CSMD3: variants seen among roughly 807,000 people sequenced by gnomAD.
CSMD3 encodes the protein CUB and Sushi multiple domains 3, also known as CUB and sushi domain-containing protein 3.
In CSMD3, 177 loss-of-function variants were observed where a neutral mutation model predicts 435.2. The observed-to-expected ratio is 0.41, with a 90% CI of 0.36 to 0.46. The LOEUF is 0.46. CSMD3 is among the 20% of genes least tolerant of loss of function. CSMD3 has a pLI of 0.34. For missense variants in CSMD3, 4,265 were observed against 4,504.6 expected, an observed-to-expected ratio of 0.95 and a Z score of 1.52; for synonymous variants, 1,656 against 1,520.5, an observed-to-expected ratio of 1.09 and a Z score of -2.07.
intron 13 of CSMD3, among the ~76,000 whole-genome samples, chr8:112,693,996 ATGT>A (rs1222897342): frequency 4.6e-5 from 7 of 151,792 alleles, no homozygotes; most frequent in African/African-American, 1.7e-4. Flanking sequence ...CTGAAAAATT[ATGT>A]TGTCATTTCC....
chr8:112,915,338 G>T lies in CSMD3; in HGVS notation c.1633+6289C>A, dbSNP rs146960773. ...TTAGTTGTTGTTTGGGCATGATGTA[G>T]CTCATTTTATCCCCATTAAATTTCA... On this transcript the variant is annotated intron_variant, in intron 10 of 70. Transcript: ENST00000297405. Among the ~76,000 whole-genome samples the T allele has an allele frequency of 5.9e-3, 887 of 151,576 alleles. 12 individuals carry two copies. Among genetic ancestry groups the T allele is most frequent in the African/African-American group, 0.021 (854 of 41,418 alleles).
At chr8:113,418,801 A>G (rs1005263011) in intron 1 of CSMD3, among the ~76,000 whole-genome samples, 2 of 152,234 alleles carry the variant, frequency 1.3e-5, no homozygotes, top group Admixed American at 1.3e-4. Context: ...GAACAATAAC[A>G]GGAGTGAAAC....
chr8:113,019,167 C>A lies in CSMD3; in HGVS notation c.930G>T (p.Met310Ile). ...TGCTGATAATTGGTGGTGGTATATT[C>A]ATTCCAGATAACCTGAATTACAAAA... ...SEPPTIWLSG[M>I]NIPPPIISNK... Residue 310 changes from methionine to isoleucine, a missense_variant, in exon 6 of 71, where the codon ATG becomes ATT. Transcript: ENST00000297405. 1.9e-6 allele frequency: 3 copies of A among 1,609,108 alleles called. No homozygotes were observed. Among genetic ancestry groups the A allele is most frequent in the Non-Finnish European group, 2.6e-6 (3 of 1,175,560 alleles).
intron 24 of CSMD3, among the ~76,000 whole-genome samples, chr8:112,569,576 T>A (rs1178225062): frequency 6.6e-6 from 1 of 152,136 alleles, no homozygotes; most frequent in Non-Finnish European, 1.5e-5. Context: ...CAGTTTTATC[T>A]ACCCAAAACT....
chr8:113,171,647 A>G (rs2092269747), intron 4 of CSMD3, among the ~76,000 whole-genome samples: 1 of 152,158 alleles, frequency 6.6e-6, no homozygotes, highest in Admixed American at 6.6e-5. Context: ...GACACAAATT[A>G]TTTTGGTGAT....
In CSMD3 at chr8:113,109,694, G is replaced by A. The variant is rs114022583; in HGVS notation, c.710-10731C>T. Among the ~76,000 whole-genome samples, 1,028 of 152,212 alleles carry A rather than the reference G, an allele frequency of 6.8e-3. 10 individuals are homozygous for A. Among genetic ancestry groups the A allele is most frequent in the African/African-American group, 0.024 (987 of 41,518 alleles). ...TCTTCAAATCGGCTCTGTGCCTGGAGCTCTCCAAAGCTGAAATCACATACC... is the reference window on the plus strand; with the variant it reads ...TCTTCAAATCGGCTCTGTGCCTGGAACTCTCCAAAGCTGAAATCACATACC... On this transcript the variant is annotated intron_variant, in intron 4 of 70. Transcript: ENST00000297405.
intron 3 of CSMD3, among the ~76,000 whole-genome samples, chr8:113,205,520 T>A (rs1195816236): frequency 1.3e-5 from 2 of 152,104 alleles, no homozygotes; most frequent in African/African-American, 2.4e-5. Flanking sequence ...GGCGATACCA[T>A]CTAGGTTTGT....
intron 1 of CSMD3, among the ~76,000 whole-genome samples, chr8:113,318,300 T>C (rs376748118): frequency 6.6e-6 from 1 of 152,214 alleles, no homozygotes; most frequent in East Asian, 1.9e-4. Context: ...ATTTTTGCTT[T>C]TTAAGAAATT....
intron 9 of CSMD3, among the ~76,000 whole-genome samples, chr8:112,935,464 G>C (rs1374903116): frequency 3.3e-5 from 5 of 151,952 alleles, no homozygotes; most frequent in Admixed American, 3.3e-4. Flanking sequence ...TATTTTGTTT[G>C]AGAATGCACT....
chr8:112,804,305 G>A (rs2079028834), intron 12 of CSMD3, among the ~76,000 whole-genome samples: 2 of 149,806 alleles, frequency 1.3e-5, no homozygotes, highest in Non-Finnish European at 3.0e-5. Context: ...GGACAATCTA[G>A]AGAAATGTGA....
At chr8:112,826,271 C>G (rs771858926) in intron 12 of CSMD3, among the ~76,000 whole-genome samples, 1 of 152,126 alleles carries the variant, frequency 6.6e-6, no homozygotes, top group Non-Finnish European at 1.5e-5. Context: ...TGTTAGGCAG[C>G]TATCAGTCCC....
chr8:112,950,508 G>A (rs2083769749), intron 8 of CSMD3, among the ~76,000 whole-genome samples: 1 of 151,944 alleles, frequency 6.6e-6, no homozygotes, highest in Non-Finnish European at 1.5e-5. Flanking sequence ...GTCATTTTGT[G>A]TTAAACTAAA....
At chr8:113,183,380 C>A (rs1288992948) in intron 3 of CSMD3, among the ~76,000 whole-genome samples, 1 of 151,982 alleles carries the variant, frequency 6.6e-6, no homozygotes, top group Non-Finnish European at 1.5e-5. Context: ...TTATTTGATT[C>A]CAGGTTTTTT....
chr8:113,367,422 T>C (rs2094319503), intron 1 of CSMD3, among the ~76,000 whole-genome samples: 1 of 152,012 alleles, frequency 6.6e-6, no homozygotes, highest in South Asian at 2.1e-4. Flanking sequence ...AGTTATAAAT[T>C]TATCCATTAC....
intron 14 of CSMD3, among the ~76,000 whole-genome samples, chr8:112,687,056 C>A (rs1042966891): frequency 6.6e-6 from 1 of 151,878 alleles, no homozygotes; most frequent in African/African-American, 2.4e-5. Context: ...TTCATTATTT[C>A]CTTGGTATAC....
At chr8:112,768,964 T>G (rs1016632228) in intron 13 of CSMD3, among the ~76,000 whole-genome samples, 1 of 151,974 alleles carries the variant, frequency 6.6e-6, no homozygotes, top group African/African-American at 2.4e-5. Flanking sequence ...CAGCTATTTA[T>G]TCACATATCC....
At chr8:112,431,421 G>T (rs532826705) in intron 32 of CSMD3, among the ~76,000 whole-genome samples, 56 of 152,086 alleles carry the variant, frequency 3.7e-4, no homozygotes, top group South Asian at 2.1e-3. Context: ...TTTTCTAAAA[G>T]GTAATTTTCT....
rs139478388 is a variant in CSMD3 at position 113,240,039 on chromosome 8, G to A, written c.514+38553C>T. Among the ~76,000 whole-genome samples the A allele has an allele frequency of 8.2e-3, 1,252 of 151,988 alleles. 17 individuals are homozygous for A. The highest frequency in any genetic ancestry group is 0.028 in the African/African-American group (1,172 of 41,440). ...CCCCCGATAGGCCCCAGTGTGTGTT[G>A]TTCCCCTCTATGTGTCCATGTGTTC... On this transcript the variant is annotated intron_variant, in intron 3 of 70. Transcript: ENST00000297405.
In CSMD3 at chr8:112,724,200, A is replaced by G. The variant is rs546015225; in HGVS notation, c.1973-34150T>C. ...AATGGCATTTGAGATAAGTCATGAA[A>G]AAGTTGAAGGGGTTAGCCATGGACA... On this transcript the variant is annotated intron_variant, in intron 13 of 70. Coordinates refer to ENST00000297405, the MANE Select transcript of CSMD3 (RefSeq NM_198123.2). Among the ~76,000 whole-genome samples, 4 of 152,122 alleles carry G rather than the reference A, an allele frequency of 2.6e-5. No individual in the cohort carries two copies. The South Asian group carries it at 6.2e-4, about 24-fold the overall frequency.
Sources: allele counts gnomAD v4.1 joint callset (sites outside exome capture counted in the v4.1 genomes callset), GRCh38; gene constraint gnomAD v4.1.1; transcripts MANE v1.5; gene names NCBI Gene and HGNC (gene_info 2026-07-23, HGNC 2026-07-21).